PDE6B: variants seen among roughly 807,000 people sequenced by gnomAD.
The protein encoded by PDE6B is phosphodiesterase 6B, also known as rod cGMP-specific 3',5'-cyclic phosphodiesterase subunit beta.
Under a neutral mutation model 109.0 loss-of-function variants are expected in PDE6B, and 106 were observed. That is an observed-to-expected ratio of 0.97 (90% CI 0.83 to 1.14). The LOEUF is 1.14. Among genes scored for constraint, PDE6B ranks in the 50% most tolerant of loss-of-function variants. The pLI is 0.00. For synonymous variants in PDE6B, 490 were observed against 471.3 expected, an observed-to-expected ratio of 1.04 and a Z score of -0.51; for missense variants, 1,193 against 1,155.6, an observed-to-expected ratio of 1.03 and a Z score of -0.47.
chr4:647,371 G>A (rs1024280819), intron 3 of PDE6B, among the ~76,000 whole-genome samples: 2 of 152,056 alleles, frequency 1.3e-5, no homozygotes, highest in African/African-American at 2.4e-5. Context: ...TGTATTGAAT[G>A]AACATTTGCT....
At chr4:657,316 G>A in intron 9 of PDE6B, 35 bp from the exon 10 acceptor site, 1 of 1,611,832 alleles carries the variant, frequency 6.2e-7, no homozygotes, top group Non-Finnish European at 8.5e-7. Flanking sequence ...CGCGCCGGGA[G>A]CGCTGAGCGC....
At chr4:632,849 G>T (rs914972581) in intron 1 of PDE6B, among the ~76,000 whole-genome samples, 1 of 152,088 alleles carries the variant, frequency 6.6e-6, no homozygotes, top group African/African-American at 2.4e-5. Context: ...GGGTCATGTT[G>T]TGCTCTTTCC....
At chr4:637,606 G>A (rs1734752626) in intron 3 of PDE6B, among the ~76,000 whole-genome samples, 1 of 152,190 alleles carries the variant, frequency 6.6e-6, no homozygotes, top group Non-Finnish European at 1.5e-5. Context: ...AGGGAGCCTG[G>A]TTCCTTCTGT....
At chr4:629,980 T>C (rs1366790894) in intron 1 of PDE6B, among the ~76,000 whole-genome samples, 1 of 151,990 alleles carries the variant, frequency 6.6e-6, no homozygotes, top group African/African-American at 2.4e-5. Flanking sequence ...GCTCCTGGCA[T>C]GTCTGACCAG....
At chr4:667,706 G>T (rs1737954276) in intron 20 of PDE6B, 150 bp from the exon 21 acceptor site, 2 of 796,150 alleles carry the variant, frequency 2.5e-6, no homozygotes, top group African/African-American at 3.4e-5. Context: ...CCCTTCACAG[G>T]GCTCTGCTGG....
Position 666,672 on chromosome 4 carries a change from G to A in PDE6B, c.2352+58G>A. The A allele has an allele frequency of 8.5e-7, 1 of 1,182,510 alleles. No homozygotes were observed. Among genetic ancestry groups the A allele is most frequent in the Non-Finnish European group, 1.3e-6 (1 of 787,512 alleles). 73.3% of individuals were successfully genotyped at this position (1,182,510 alleles called of 1,614,324 possible). A position where few individuals can be genotyped will look rare whatever the true frequency, so the allele number is the denominator to read the frequency against. ...GGGCAGGGTGGCTGGGAGCAGGCAA[G>A]GGGGCGCGGGCTGGAGTCGCGTGGA... On this transcript the variant is annotated intron_variant, in intron 20 of 21. Transcript: ENST00000496514. The surrounding 1 kb of genome is among the most constrained non-coding windows in gnomAD (Gnocchi z 5.6).
At chr4:641,791 T>G (rs1033625286) in intron 3 of PDE6B, among the ~76,000 whole-genome samples, 4 of 152,170 alleles carry the variant, frequency 2.6e-5, no homozygotes, top group African/African-American at 9.7e-5. Context: ...AGACTACTGA[T>G]GTGCATCACC....
At chr4:639,302 A>G (rs1017762977) in intron 3 of PDE6B, among the ~76,000 whole-genome samples, 3 of 151,502 alleles carry the variant, frequency 2.0e-5, no homozygotes. Context: ...ACCCCACCAC[A>G]CCTGGGTAAT....
intron 3 of PDE6B, among the ~76,000 whole-genome samples, chr4:644,520 T>G (rs193266866): frequency 1.3e-5 from 2 of 151,760 alleles, no homozygotes; most frequent in African/African-American, 4.8e-5. Context: ...AATAACAGTG[T>G]TTTTGTTTTT....
rs1019752057 is a variant in PDE6B at position 663,435 on chromosome 4, G to A, written c.1920+248G>A. Among the ~76,000 whole-genome samples the A allele has an allele frequency of 1.3e-5, 2 of 152,194 alleles. No individual in the cohort carries two copies. The highest frequency in any genetic ancestry group is 2.9e-5 in the Non-Finnish European group (2 of 68,018). ...CTCATGGGGTGGGGTGGAAGCCGAA[G>A]GGGAAGCGGCCCGGGACCCACCAGC... On this transcript the variant is annotated intron_variant, in intron 15 of 21. Transcript: ENST00000496514. The surrounding 1 kb of genome is among the most constrained non-coding windows in gnomAD (Gnocchi z 4.0).
In PDE6B at chr4:663,889, G is replaced by A; in HGVS notation, c.2021+19G>A. On this transcript the variant is annotated intron_variant, in intron 16 of 21. Coordinates refer to ENST00000496514, the MANE Select transcript of PDE6B (RefSeq NM_000283.4). The surrounding 1 kb of genome is among the most constrained non-coding windows in gnomAD (Gnocchi z 4.0). ...ACTTCAAGTGCGCGCCTTCCGGGAG[G>A]GGGCGCCTCGCGGGGCGGGCGGGTA... is the stretch of plus-strand genomic sequence containing the variant. The A allele has an allele frequency of 6.3e-7, 1 of 1,579,074 alleles. No homozygotes were observed.
At chr4:650,347 T>C (rs1308773237) in intron 3 of PDE6B, among the ~76,000 whole-genome samples, 1 of 152,208 alleles carries the variant, frequency 6.6e-6, no homozygotes, top group Non-Finnish European at 1.5e-5. Flanking sequence ...CACTGCTGGG[T>C]GTCCGGCCCC....
Position 670,387 on chromosome 4 carries a change from C to T in PDE6B, c.*280C>T, listed in dbSNP as rs774425841. 29 of 385,558 alleles carry T rather than the reference C, an allele frequency of 7.5e-5. No homozygotes were observed. Among genetic ancestry groups the T allele is most frequent in the African/African-American group, 2.5e-4 (12 of 47,962 alleles). 23.9% of individuals were successfully genotyped at this position (385,558 alleles called of 1,614,324 possible). On this transcript the variant is annotated 3_prime_UTR_variant, in exon 22 of 22. Transcript: ENST00000496514. ...CCTCCTGAGTAGCTGGGACTACAGG[C>T]GCCCACCACCACACATGGCTAATTT...
Position 653,928 on chromosome 4 carries a change from C to A in PDE6B, c.788C>A (p.Thr263Lys), listed in dbSNP as rs755828989. ...AGGCAGTTCCACAAGGCCTTCTACA[C>A]GGTGCGGGCCTACCTCAACTGCGAG... ...IERQFHKAFY[T>K]VRAYLNCERY... Residue 263 changes from threonine (T) to lysine (K), a missense_variant, in exon 4 of 22, where the codon ACG becomes AAG. By Grantham distance (78) the Thr-to-Lys change is moderately conservative. Coordinates refer to ENST00000496514, the MANE Select transcript of PDE6B (RefSeq NM_000283.4). The A allele has an allele frequency of 2.5e-6, 4 of 1,613,758 alleles. No homozygotes were observed. In the Admixed American group the frequency reaches 6.7e-5, roughly 27 times the overall value.
At chr4:654,460 T>C in intron 5 of PDE6B, 1 of 600,676 alleles carries the variant, frequency 1.7e-6, no homozygotes, top group Non-Finnish European at 3.0e-6. Context: ...ACGTGTAGGA[T>C]GCGTGTGTGT....
chr4:637,733 G>T (rs906551167), intron 3 of PDE6B, among the ~76,000 whole-genome samples: 1 of 152,182 alleles, frequency 6.6e-6, no homozygotes, highest in African/African-American at 2.4e-5. Flanking sequence ...GCCAGCCCTC[G>T]CTCGTCCCCT....
chr4:643,918 CTTTTT>C (rs57739128), intron 3 of PDE6B, among the ~76,000 whole-genome samples: 1 of 107,750 alleles, frequency 9.3e-6, no homozygotes. Flanking sequence ...AGTTCAAAAT[CTTTTT>C]TTTTTTTTTT....
chr4:655,778 C>G (rs1469932140), intron 6 of PDE6B, 162 bp from the exon 7 acceptor site: 1 of 689,746 alleles, frequency 1.4e-6, no homozygotes, highest in Non-Finnish European at 2.6e-6. Flanking sequence ...GACCCCTGCA[C>G]ACACACGTGC....
At chr4:668,405 G>A (rs1738043132) in intron 21 of PDE6B, among the ~76,000 whole-genome samples, 1 of 150,772 alleles carries the variant, frequency 6.6e-6, no homozygotes, top group South Asian at 2.1e-4. Flanking sequence ...TATTCCCGCT[G>A]CTCCCAGTAT....
Sources: allele counts gnomAD v4.1 joint callset (sites outside exome capture counted in the v4.1 genomes callset), GRCh38; gene constraint gnomAD v4.1.1; non-coding constraint Gnocchi (gnomAD v3.1); transcripts MANE v1.5; gene names NCBI Gene and HGNC (gene_info 2026-07-23, HGNC 2026-07-21).